The following FNBP1 variants were observed in gnomAD, a reference collection of about 807,000 sequenced individuals.
FNBP1 encodes the protein formin-binding protein 1.
A neutral mutation model predicts 90.6 loss-of-function variants in FNBP1; 26 were observed. That is an observed-to-expected ratio of 0.29 (90% confidence interval 0.21 to 0.40). FNBP1 has a LOEUF of 0.40. Among genes scored for constraint, FNBP1 ranks in the 10% least tolerant of loss-of-function variants. The pLI, the probability that FNBP1 is intolerant of heterozygous loss-of-function variation, is 1.00. For synonymous variants in FNBP1, 260 were observed against 265.2 expected, an observed-to-expected ratio of 0.98 and a Z score of 0.19; for missense variants, 635 against 768.0, an observed-to-expected ratio of 0.83 and a Z score of 2.05.
chr9:129,959,891 T>A (rs944862179), intron 4 of FNBP1, among the ~76,000 whole-genome samples: 1 of 152,160 alleles, frequency 6.6e-6, no homozygotes, highest in Non-Finnish European at 1.5e-5. Flanking sequence ...GGCTGTTTCC[T>A]ATGAATGGAG....
intron 6 of FNBP1, among the ~76,000 whole-genome samples, chr9:129,956,907 A>G (rs548976256): frequency 6.6e-6 from 1 of 152,102 alleles, no homozygotes; most frequent in Admixed American, 6.6e-5. Context: ...GGTCCCCACA[A>G]TGGTTGACAC....
intron 12 of FNBP1, among the ~76,000 whole-genome samples, chr9:129,905,313 T>TATATATATATATATA (rs1554766990): frequency 6.9e-6 from 1 of 145,594 alleles, no homozygotes; most frequent in South Asian, 2.2e-4. Context: ...TATATATATA[T>TATATATATATATATA]TTTGTTAATT....
intron 1 of FNBP1, among the ~76,000 whole-genome samples, chr9:130,036,180 T>C (rs1390223547): frequency 6.6e-6 from 1 of 152,190 alleles, no homozygotes; most frequent in East Asian, 1.9e-4. Flanking sequence ...AGGGCATTCA[T>C]GTATTCTTAG....
At chr9:129,893,637 A>AACAAG (rs56397008) in intron 16 of FNBP1, among the ~76,000 whole-genome samples, 1 of 62,224 alleles carries the variant, frequency 1.6e-5, no homozygotes, top group Non-Finnish European at 2.6e-5. Context: ...AAAAAAAAAA[A>AACAAG]GCCAGGCACG....
intron 8 of FNBP1, among the ~76,000 whole-genome samples, chr9:129,926,867 C>G (rs2041999444): frequency 7.0e-6 from 1 of 142,528 alleles, no homozygotes; most frequent in African/African-American, 2.6e-5. Flanking sequence ...GCCTGGGCAA[C>G]AGAGCGAGAT....
At chr9:129,929,519 G>A in intron 7 of FNBP1, 48 bp downstream of exon 7, 2 of 1,587,622 alleles carry the variant, frequency 1.3e-6, no homozygotes, top group Non-Finnish European at 1.7e-6. Flanking sequence ...ATGTTTCTAA[G>A]GAAAGCAAAG....
At position 129,890,246 on chromosome 9, in the gene FNBP1, G is replaced by A; in HGVS notation, c.*293C>T. ...TGAGGGCCCAGGAAGGAGCAGGTAG[G>A]GGCGTGTGTCCCACCGTCTCAGTGG... On this transcript the variant is annotated 3_prime_UTR_variant, in exon 17 of 17. Transcript: ENST00000446176. The surrounding 1 kb of genome is among the most constrained non-coding windows in gnomAD (Gnocchi z 5.8). The A allele has an allele frequency of 2.0e-6, 1 of 504,754 alleles. No individual in the cohort carries two copies. Among genetic ancestry groups the A allele is most frequent in the Non-Finnish European group, 3.5e-6 (1 of 283,842 alleles). The allele number at this position is 504,754 out of a possible 1,614,324, so 31.3% of individuals were successfully genotyped here.
upstream of FNBP1, among the ~76,000 whole-genome samples, chr9:130,043,742 T>A (rs1175390175): frequency 6.6e-6 from 1 of 152,186 alleles, no homozygotes; most frequent in African/African-American, 2.4e-5. Flanking sequence ...AGGGAAAGAA[T>A]CCAGGGGCGT....
At chr9:130,025,879 G>A (rs559651697) in intron 1 of FNBP1, among the ~76,000 whole-genome samples, 7 of 152,054 alleles carry the variant, frequency 4.6e-5, no homozygotes, top group Admixed American at 2.0e-4. Context: ...AGCCAAGACC[G>A]TGCCACTGCA....
intron 1 of FNBP1, among the ~76,000 whole-genome samples, chr9:130,014,312 C>T (rs10118084): frequency 0.84 from 126,360 of 150,268 alleles, 53,524 homozygotes; most frequent in Non-Finnish European, 0.89. Flanking sequence ...AGTGCAATGG[C>T]GCAATCTCGG....
rs1174576426 is a variant in FNBP1 at position 129,889,298 on chromosome 9, G to A, written c.*1241C>T. The A allele has an allele frequency of 3.2e-5, 6 of 185,588 alleles. No individual in the cohort carries two copies. The highest frequency in any genetic ancestry group is 2.0e-4 in the South Asian group (1 of 5,100). 11.5% of individuals were successfully genotyped at this position (185,588 alleles called of 1,614,324 possible). ...GAAAGTGCTAACCTCGGCGGGGTGCGGTAGCTCACACCTGTAATCTCAGCA... is the reference window on the plus strand; with the variant it reads ...GAAAGTGCTAACCTCGGCGGGGTGCAGTAGCTCACACCTGTAATCTCAGCA... On this transcript the variant is annotated 3_prime_UTR_variant, in exon 17 of 17. Transcript: ENST00000446176.
chr9:129,894,037 G>A (rs10819573), intron 16 of FNBP1, among the ~76,000 whole-genome samples: 85,122 of 151,846 alleles, frequency 0.56, 24,122 homozygotes, highest in East Asian at 0.77. Context: ...TCTAGAGCCC[G>A]AATGTGCAGC....
At chr9:130,053,781 C>A in the FNBP1 span, 5 of 710,668 alleles carry the variant, frequency 7.0e-6, no homozygotes, top group East Asian at 2.8e-5. Flanking sequence ...ACAGGCTCCT[C>A]GACGACTTCC....
intron 1 of FNBP1, among the ~76,000 whole-genome samples, chr9:130,003,606 C>CA (rs1392887171): frequency 2.6e-5 from 4 of 151,030 alleles, no homozygotes; most frequent in African/African-American, 7.3e-5. Context: ...GACTCTGTCT[C>CA]AAAAAACAAA....
At chr9:130,009,765 G>A (rs2056295988) in intron 1 of FNBP1, among the ~76,000 whole-genome samples, 1 of 152,162 alleles carries the variant, frequency 6.6e-6, no homozygotes, top group East Asian at 1.9e-4. Context: ...TCGTGCCACT[G>A]CACTCCAGCC....
intron 10 of FNBP1, among the ~76,000 whole-genome samples, chr9:129,923,576 T>TG (rs2041434971): frequency 6.8e-6 from 1 of 148,088 alleles, no homozygotes; most frequent in Non-Finnish European, 1.5e-5. Flanking sequence ...AGACTCTGTC[T>TG]GGAAAAAAAA....
intron 5 of FNBP1, among the ~76,000 whole-genome samples, chr9:129,958,186 C>A (rs2047228273): frequency 6.6e-6 from 1 of 152,152 alleles, no homozygotes; most frequent in East Asian, 1.9e-4. Flanking sequence ...AATCCCAGAA[C>A]TTTGGGAGGC....
chr9:130,044,620 C>G (rs983144964), upstream of FNBP1: 10 of 151,456 alleles, frequency 6.6e-5, no homozygotes, highest in African/African-American at 2.4e-4. Flanking sequence ...CAGAGCAAGA[C>G]CCTGTCTCAA....
intron 12 of FNBP1, among the ~76,000 whole-genome samples, chr9:129,904,354 C>T (rs1055331816): frequency 3.3e-5 from 5 of 152,146 alleles, no homozygotes; most frequent in Non-Finnish European, 7.3e-5. Flanking sequence ...AAGTTTGGGG[C>T]ATGTTTGGGT....
Sources: gnomAD v4.1 joint callset for allele counts (sites outside exome capture counted in the v4.1 genomes callset) on GRCh38, gnomAD v4.1.1 for gene constraint, Gnocchi (gnomAD v3.1) non-coding constraint, MANE v1.5 for transcripts, NCBI Gene and HGNC (gene_info 2026-07-23, HGNC 2026-07-21) for gene names.